LRRC72: variants seen among roughly 807,000 people sequenced by gnomAD.
LRRC72 encodes the protein leucine-rich repeat-containing protein 72.
Under a neutral mutation model 35.8 loss-of-function variants are expected in LRRC72, and 41 were observed. That is an observed-to-expected ratio of 1.15 (90% CI 0.89 to 1.49). LRRC72 has a LOEUF of 1.49. Ranked by LOEUF, LRRC72 falls within the 40% of genes most tolerant of loss-of-function variation. The pLI, the probability that LRRC72 is intolerant of heterozygous loss-of-function variation, is 0.00. For synonymous variants in LRRC72, 118 were observed against 119.2 expected (o/e 0.99, Z 0.07); for missense variants, 389 against 330.7 (o/e 1.18, Z -1.37).
Position 16,526,962 on chromosome 7 carries a change from G to A in LRRC72, c.10G>A (p.Asp4Asn), listed in dbSNP as rs948194662. MSW[D>N]PNPVPRTLRC... ...CCGCCCATGTGTCCTGATGTCCTGG[G>A]ACCCGAACCCCGTGCCCCGTACCTT... Residue 4 changes from aspartate to asparagine, a missense_variant, in exon 1 of 9, where the codon GAC (aspartate) becomes AAC (asparagine). Asp to Asn is a conservative substitution (Grantham distance 23). Transcript: ENST00000401542. The A allele has an allele frequency of 1.9e-6, 3 of 1,539,656 alleles. No individual in the cohort carries two copies. The highest frequency in any genetic ancestry group is 1.4e-5 in the African/African-American group (1 of 73,054).
intron 7 of LRRC72, among the ~76,000 whole-genome samples, chr7:16,570,685 TG>T (rs1381240791): frequency 6.6e-6 from 1 of 152,030 alleles, no homozygotes; most frequent in Admixed American, 6.6e-5. Context: ...CTGGGTTTGG[TG>T]GCGAGCACCT....
chr7:16,566,301 C>A lies in LRRC72; in HGVS notation c.428-12C>A, dbSNP rs751475025. The A allele has an allele frequency of 6.8e-7, 1 of 1,474,410 alleles. No homozygotes were observed. 91.3% of individuals were successfully genotyped at this position (1,474,410 alleles called of 1,614,324 possible). On this transcript the variant is annotated splice_polypyrimidine_tract_variant and intron_variant, in intron 5 of 8. Coordinates refer to ENST00000401542, the MANE Select transcript of LRRC72 (RefSeq NM_001195280.2). ...AAATCTGACATTTTTATTTTGGATT[C>A]TTCATTTGCAGGTCTATACCAAAAT... is the stretch of plus-strand genomic sequence containing the variant.
intron 7 of LRRC72, among the ~76,000 whole-genome samples, chr7:16,575,460 T>C (rs1783024307): frequency 6.6e-6 from 1 of 152,168 alleles, no homozygotes; most frequent in Admixed American, 6.6e-5. Context: ...GATCAACCAA[T>C]AGAGAGGTGG....
In LRRC72 at chr7:16,558,922, T is replaced by A; in HGVS notation, c.350T>A (p.Leu117Gln). ...TATTTGCCTTCATTGCATATACTCC[T>A]GCTACACCACAATGAGCTAACCAAC... ...LHYLPSLHIL[L>Q]LHHNELTNID... Residue 117 changes from leucine (L) to glutamine (Q), a missense_variant, in exon 5 of 9, where the codon CTG becomes CAG. Transcript: ENST00000401542. The A allele has an allele frequency of 2.0e-6, 3 of 1,532,220 alleles. No homozygotes were observed. Among genetic ancestry groups the A allele is most frequent in the Non-Finnish European group, 2.6e-6 (3 of 1,135,732 alleles). 94.9% of individuals were successfully genotyped at this position (1,532,220 alleles called of 1,614,324 possible).
chr7:16,566,353 T>C lies in LRRC72; in HGVS notation c.468T>C (p.Arg156=), dbSNP rs1782838784. 6.5e-7 allele frequency: 1 copy of C among 1,547,334 alleles called. No individual in the cohort carries two copies. The highest frequency in any genetic ancestry group is 1.4e-5 in the African/African-American group (1 of 72,928). ...QNPLCQYNLY[R]LYIIYHLPGV... ...CTTTGTGCCAATATAACCTGTATCG[T>C]TTATATATCATCTACCACCTTCCAG... The change falls in exon 6 of 9, where the codon CGT becomes CGC. Residue 156 remains arginine (R), a synonymous_variant. Transcript: ENST00000401542.
Position 16,537,649 on chromosome 7 carries a change from C to A in LRRC72, c.187C>A (p.Leu63Ile). The A allele has an allele frequency of 6.5e-7, 1 of 1,526,980 alleles. No individual in the cohort carries two copies. Among genetic ancestry groups the A allele is most frequent in the Non-Finnish European group, 8.8e-7 (1 of 1,133,742 alleles). The allele number at this position is 1,526,980 out of a possible 1,614,324, so 94.6% of individuals were successfully genotyped here. A position where few individuals can be genotyped will look rare whatever the true frequency, so the allele number is the denominator to read the frequency against. ...SKKELTEVID[L>I]SRFKKLKYLW... ...CAGGGAACTGACAGAGGTCATTGAT[C>A]TTTCTAGGTTTAAAAAATTAAAATA... Residue 63 changes from leucine to isoleucine, a missense_variant, in exon 3 of 9, where the codon CTT (leucine) becomes ATT (isoleucine). Coordinates refer to ENST00000401542, the MANE Select transcript of LRRC72 (RefSeq NM_001195280.2).
intron 3 of LRRC72, among the ~76,000 whole-genome samples, chr7:16,553,041 T>G (rs10248085): frequency 0.032 from 4,928 of 152,298 alleles, 271 homozygotes; most frequent in African/African-American, 0.11. Context: ...CTGTTTATTT[T>G]TACAATTTGA....
intron 5 of LRRC72, among the ~76,000 whole-genome samples, chr7:16,560,375 T>C (rs1782725323): frequency 6.6e-6 from 1 of 152,186 alleles, no homozygotes. Context: ...GGAAAATGAT[T>C]CATTTGTTAT....
At chr7:16,531,255 T>TG (rs1358133169) in intron 1 of LRRC72, among the ~76,000 whole-genome samples, 1 of 151,284 alleles carries the variant, frequency 6.6e-6, no homozygotes, top group Non-Finnish European at 1.5e-5. Flanking sequence ...CCTGATCCAA[T>TG]GGGTTTTTCC....
rs913407720 is a variant in LRRC72, at chr7:16,558,907, C to T, written c.335C>T (p.Ser112Leu). The T allele has an allele frequency of 4.1e-6, 6 of 1,480,710 alleles. No homozygotes were observed. The highest frequency in any genetic ancestry group is 5.4e-6 in the Non-Finnish European group (6 of 1,107,582). The allele number at this position is 1,480,710 out of a possible 1,614,324, so 91.7% of individuals were successfully genotyped here. ...FEIEGLHYLP[S>L]LHILLLHHNE... ...TTTTTAGGTCTGCATTATTTGCCTT[C>T]ATTGCATATACTCCTGCTACACCAC... Residue 112 changes from serine to leucine, a missense_variant, in exon 5 of 9, where the codon TCA (serine) becomes TTA (leucine). Physicochemically the swap from Ser to Leu is moderately radical, Grantham distance 145. Coordinates refer to ENST00000401542, the MANE Select transcript of LRRC72 (RefSeq NM_001195280.2).
intron 3 of LRRC72, among the ~76,000 whole-genome samples, chr7:16,540,551 G>C (rs1203987775): frequency 6.6e-6 from 1 of 152,254 alleles, no homozygotes; most frequent in Middle Eastern, 3.4e-3. Context: ...AGATTTGGGA[G>C]GGGACAGAGG....
At chr7:16,570,082 G>C (rs1562752802) in intron 7 of LRRC72, among the ~76,000 whole-genome samples, 2 of 152,086 alleles carry the variant, frequency 1.3e-5, no homozygotes, top group South Asian at 2.1e-4. Context: ...TGGAAGCACA[G>C]TTCATTGATT....
chr7:16,544,988 A>G (rs1782421847), intron 3 of LRRC72, among the ~76,000 whole-genome samples: 1 of 152,222 alleles, frequency 6.6e-6, no homozygotes, highest in South Asian at 2.1e-4. Context: ...TTATAATAAC[A>G]TCACTCACAC....
At chr7:16,557,697 A>G (rs889458110) in intron 4 of LRRC72, among the ~76,000 whole-genome samples, 2 of 152,240 alleles carry the variant, frequency 1.3e-5, no homozygotes, top group Non-Finnish European at 2.9e-5. Context: ...GACATAAACT[A>G]GGCATGTGGA....
intron 7 of LRRC72, among the ~76,000 whole-genome samples, chr7:16,571,656 TC>T (rs1207946206): frequency 2.6e-5 from 4 of 152,126 alleles, no homozygotes; most frequent in Non-Finnish European, 2.9e-5. Context: ...AACGGAGCTA[TC>T]CGGCCCAGAT....
chr7:16,534,573 G>A (rs1782220946), intron 2 of LRRC72, among the ~76,000 whole-genome samples: 1 of 152,078 alleles, frequency 6.6e-6, no homozygotes, highest in Non-Finnish European at 1.5e-5. Flanking sequence ...ATACTTTAAA[G>A]TTTTAGTGTA....
intron 3 of LRRC72, among the ~76,000 whole-genome samples, chr7:16,541,486 A>G (rs1397787896): frequency 6.6e-6 from 1 of 152,250 alleles, no homozygotes; most frequent in Non-Finnish European, 1.5e-5. Context: ...ATTAACTATA[A>G]GCATAAATCT....
chr7:16,556,952 G>C (rs1782659343), intron 3 of LRRC72, among the ~76,000 whole-genome samples: 1 of 152,142 alleles, frequency 6.6e-6, no homozygotes, highest in Non-Finnish European at 1.5e-5. Flanking sequence ...AATGGCCTCG[G>C]CATAATCTAA....
chr7:16,535,975 T>G (rs918979904), intron 2 of LRRC72, among the ~76,000 whole-genome samples: 2 of 152,164 alleles, frequency 1.3e-5, no homozygotes, highest in African/African-American at 2.4e-5. Context: ...TGGGTTCAAG[T>G]GATTCTCCTG....
Sources: allele counts gnomAD v4.1 joint callset (sites outside exome capture counted in the v4.1 genomes callset), GRCh38; gene constraint gnomAD v4.1.1; transcripts MANE v1.5; gene names NCBI Gene and HGNC (gene_info 2026-07-23, HGNC 2026-07-21).